Variants in KCNAB1 observed in about 807,000 individuals in gnomAD.
KCNAB1 encodes potassium voltage-gated channel subfamily A regulatory beta subunit 1.
A neutral mutation model predicts 64.6 loss-of-function variants in KCNAB1; 35 were observed. That is an observed-to-expected ratio of 0.54 (90% CI 0.41 to 0.72). The LOEUF (loss-of-function observed/expected upper bound fraction) is 0.72, where lower values mean the gene tolerates loss of function less well. Among genes scored for constraint, KCNAB1 ranks in the 30% least tolerant of loss-of-function variants. The pLI is 0.00. For synonymous variants in KCNAB1, 177 were observed against 183.8 expected, an observed-to-expected ratio of 0.96 and a Z score of 0.30; for missense variants, 401 against 512.9, an observed-to-expected ratio of 0.78 and a Z score of 2.11.
At chr3:156,154,945 G>T (rs564986509) in intron 1 of KCNAB1, among the ~76,000 whole-genome samples, 27 of 152,234 alleles carry the variant, frequency 1.8e-4, no homozygotes, top group African/African-American at 6.3e-4. Flanking sequence ...CTGACCTAAT[G>T]TTCACCACTT....
At chr3:156,393,476 T>C (rs1713196122) in intron 1 of KCNAB1, among the ~76,000 whole-genome samples, 1 of 152,114 alleles carries the variant, frequency 6.6e-6, no homozygotes, top group Non-Finnish European at 1.5e-5. Context: ...CTCTTACTAA[T>C]CCAACCCCTA....
chr3:156,499,362 AG>A (rs1470421468), intron 8 of KCNAB1, among the ~76,000 whole-genome samples: 3 of 152,230 alleles, frequency 2.0e-5, no homozygotes, highest in African/African-American at 2.4e-5. Context: ...TTAAATTTCT[AG>A]GACCCTCAGT....
At chr3:156,190,620 G>T (rs984756247) in intron 1 of KCNAB1, among the ~76,000 whole-genome samples, 3 of 152,064 alleles carry the variant, frequency 2.0e-5, no homozygotes, top group African/African-American at 7.2e-5. Context: ...CAGTAATACC[G>T]GCCCTGCTGG....
intron 1 of KCNAB1, among the ~76,000 whole-genome samples, chr3:156,331,957 C>A (rs111946578): frequency 6.6e-6 from 1 of 152,174 alleles, no homozygotes; most frequent in Admixed American, 6.5e-5. Flanking sequence ...CCTGGAAATT[C>A]TCCCTGCTCT....
At chr3:156,140,202 T>G (rs1160987354) in intron 1 of KCNAB1, among the ~76,000 whole-genome samples, 1 of 152,224 alleles carries the variant, frequency 6.6e-6, no homozygotes, top group South Asian at 2.1e-4. Context: ...ATAACATTCT[T>G]CATTTTTATT....
At chr3:156,151,694 T>C (rs1715421663) in intron 1 of KCNAB1, among the ~76,000 whole-genome samples, 2 of 152,214 alleles carry the variant, frequency 1.3e-5, no homozygotes, top group South Asian at 4.1e-4. Flanking sequence ...GGCTTTTTAG[T>C]CCTCAGTATC....
At chr3:156,328,147 C>T (rs1723098879) in intron 1 of KCNAB1, among the ~76,000 whole-genome samples, 1 of 152,090 alleles carries the variant, frequency 6.6e-6, no homozygotes, top group Admixed American at 6.6e-5. Flanking sequence ...AAATGCTTGG[C>T]CTATCAGGGA....
At chr3:156,311,049 G>A (rs947940588) in intron 1 of KCNAB1, among the ~76,000 whole-genome samples, 3 of 152,168 alleles carry the variant, frequency 2.0e-5, no homozygotes, top group Non-Finnish European at 2.9e-5. Context: ...GATGGTGTTC[G>A]AGGAGCAGAA....
intron 8 of KCNAB1, among the ~76,000 whole-genome samples, chr3:156,495,986 C>T (rs907218024): frequency 5.9e-5 from 9 of 152,102 alleles, no homozygotes; most frequent in Non-Finnish European, 1.2e-4. Context: ...CAATACATTA[C>T]ACATTTTCTA....
At chr3:156,445,858 T>A (rs1375376496) in intron 2 of KCNAB1, among the ~76,000 whole-genome samples, 1 of 152,142 alleles carries the variant, frequency 6.6e-6, no homozygotes, top group Non-Finnish European at 1.5e-5. Flanking sequence ...TGACTTCTTC[T>A]CCTTTCAAAG....
chr3:156,530,536 GA>G (rs891579402), intron 12 of KCNAB1, among the ~76,000 whole-genome samples: 3 of 152,202 alleles, frequency 2.0e-5, no homozygotes, highest in African/African-American at 7.2e-5. Context: ...AGCCAGCTGG[GA>G]GGGAAGACGT....
intron 1 of KCNAB1, among the ~76,000 whole-genome samples, chr3:156,210,145 G>T (rs1160717278): frequency 6.6e-6 from 1 of 152,246 alleles, no homozygotes; most frequent in South Asian, 2.1e-4. Context: ...TGAGACTGTC[G>T]GTGAGCTGAG....
In KCNAB1 at chr3:156,467,039, C is replaced by T. The variant is rs947262024; in HGVS notation, c.571+1353C>T. Reference sequence around the variant, plus strand: ...CGTTTAATACACCTAACCTACTAAACATCATAGCTTAGCCTAGCCTACCTT... The same window carrying T: ...CGTTTAATACACCTAACCTACTAAATATCATAGCTTAGCCTAGCCTACCTT... On this transcript the variant is annotated intron_variant, in intron 7 of 13. Transcript: ENST00000490337. Among the ~76,000 whole-genome samples the T allele has an allele frequency of 2.0e-5, 3 of 152,066 alleles. No homozygotes were observed. In the East Asian group the frequency reaches 5.8e-4, roughly 29 times the overall value.
At chr3:156,484,764 T>C (rs1715077589) in intron 8 of KCNAB1, among the ~76,000 whole-genome samples, 1 of 152,112 alleles carries the variant, frequency 6.6e-6, no homozygotes, top group Admixed American at 6.6e-5. Flanking sequence ...ACAAATACCC[T>C]CGAGTCTCTC....
chr3:156,455,823 TC>T (rs113952259), intron 3 of KCNAB1, among the ~76,000 whole-genome samples: 6 of 152,118 alleles, frequency 3.9e-5, no homozygotes, highest in African/African-American at 1.4e-4. Context: ...GAACAGTGAC[TC>T]CGGGGAAAGG....
At chr3:156,446,841 A>C (rs928202154) in intron 2 of KCNAB1, 2 of 152,322 alleles carry the variant, frequency 1.3e-5, no homozygotes, top group African/African-American at 4.8e-5. Flanking sequence ...TCGCCTCTGC[A>C]GTCTATCCTT....
chr3:156,210,257 C>T (rs986679957), intron 1 of KCNAB1, among the ~76,000 whole-genome samples: 3 of 152,074 alleles, frequency 2.0e-5, no homozygotes, highest in African/African-American at 7.2e-5. Flanking sequence ...AGCAGGGCCT[C>T]CATTTTACTT....
intron 2 of KCNAB1, 112 bp downstream of exon 2, chr3:156,421,771 T>A: frequency 1.2e-6 from 1 of 866,636 alleles, no homozygotes; most frequent in Non-Finnish European, 1.9e-6. Flanking sequence ...AGGAGGAGGC[T>A]TCCTGGCCAG....
chr3:156,421,702 G>A (rs753133878), intron 2 of KCNAB1, 43 bp downstream of exon 2: 20 of 1,577,208 alleles, frequency 1.3e-5, no homozygotes, highest in Non-Finnish European at 1.7e-5. Context: ...TGGAAGGTGG[G>A]AGACTGGGGA....
Sources: gnomAD v4.1 joint callset for allele counts (sites outside exome capture counted in the v4.1 genomes callset) on GRCh38, gnomAD v4.1.1 for gene constraint, MANE v1.5 for transcripts, NCBI Gene and HGNC (gene_info 2026-07-23, HGNC 2026-07-21) for gene names.